SLC4A4: variants seen among roughly 807,000 people sequenced by gnomAD.
SLC4A4 encodes solute carrier family 4 member 4.
In SLC4A4, 27 loss-of-function variants were observed where a neutral mutation model predicts 111.5. That is an observed-to-expected ratio of 0.24 (90% CI 0.18 to 0.33). The LOEUF is 0.33. Among genes scored for constraint, SLC4A4 ranks in the 10% least tolerant of loss-of-function variants. SLC4A4 has a pLI of 1.00. For missense variants in SLC4A4, 909 were observed against 1,315.5 expected (o/e 0.69, Z 4.78); for synonymous variants, 443 against 463.4 (o/e 0.96, Z 0.57).
intron 20 of SLC4A4, among the ~76,000 whole-genome samples, chr4:71,550,786 A>G (rs1735918097): frequency 6.6e-6 from 1 of 151,890 alleles, no homozygotes; most frequent in Non-Finnish European, 1.5e-5. Flanking sequence ...GCAGTGTAGG[A>G]AGTTGTTTCT....
intron 8 of SLC4A4, among the ~76,000 whole-genome samples, chr4:71,446,254 C>G (rs182301635): frequency 6.6e-6 from 1 of 152,162 alleles, no homozygotes; most frequent in African/African-American, 2.4e-5. Flanking sequence ...TATTTGCTGT[C>G]AATCCTTTTT....
chr4:71,158,815 A>C (rs1396935014), intron 2 of SLC4A4, among the ~76,000 whole-genome samples: 1 of 152,190 alleles, frequency 6.6e-6, no homozygotes, highest in Non-Finnish European at 1.5e-5. Flanking sequence ...GTGGGCCACC[A>C]GCAAGAGATG....
chr4:71,563,168 A>G (rs1186795306), intron 23 of SLC4A4, among the ~76,000 whole-genome samples: 1 of 151,790 alleles, frequency 6.6e-6, no homozygotes, highest in Non-Finnish European at 1.5e-5. Flanking sequence ...ACCATCATAG[A>G]CACCTTTTTA....
At chr4:71,126,583 G>A (rs1285573479) in intron 2 of SLC4A4, among the ~76,000 whole-genome samples, 1 of 152,112 alleles carries the variant, frequency 6.6e-6, no homozygotes, top group African/African-American at 2.4e-5. Context: ...ACAGGTTTGT[G>A]ATAAATTATG....
At chr4:71,422,819 G>T (rs965577444) in intron 7 of SLC4A4, among the ~76,000 whole-genome samples, 1 of 152,094 alleles carries the variant, frequency 6.6e-6, no homozygotes, top group Non-Finnish European at 1.5e-5. Flanking sequence ...AATAAATTAG[G>T]TATTGATGGG....
intron 2 of SLC4A4, among the ~76,000 whole-genome samples, chr4:71,098,011 G>A (rs1742609088): frequency 6.6e-6 from 1 of 152,120 alleles, no homozygotes; most frequent in Non-Finnish European, 1.5e-5. Context: ...CTTTTGCTGT[G>A]CAGAAGCTCG....
intron 2 of SLC4A4, among the ~76,000 whole-genome samples, chr4:71,119,065 C>T (rs542963850): frequency 1.2e-3 from 180 of 152,110 alleles, no homozygotes; most frequent in African/African-American, 4.1e-3. Context: ...GGAATCTGGG[C>T]GATAATGATG....
intron 2 of SLC4A4, among the ~76,000 whole-genome samples, chr4:71,111,026 C>A (rs1352017493): frequency 6.6e-6 from 1 of 152,152 alleles, no homozygotes; most frequent in Non-Finnish European, 1.5e-5. Flanking sequence ...TTGTCAGGTT[C>A]CAGCCACTTG....
At chr4:71,441,285 A>G (rs1724688401) in intron 8 of SLC4A4, among the ~76,000 whole-genome samples, 1 of 152,204 alleles carries the variant, frequency 6.6e-6, no homozygotes, top group Non-Finnish European at 1.5e-5. Flanking sequence ...AAAGTGAAGT[A>G]TATTAATGTT....
chr4:71,516,693 C>G (rs1327790292), intron 16 of SLC4A4, among the ~76,000 whole-genome samples: 1 of 152,208 alleles, frequency 6.6e-6, no homozygotes, highest in Non-Finnish European at 1.5e-5. Context: ...TACCCTTTCC[C>G]TGCAATATGG....
intron 13 of SLC4A4, among the ~76,000 whole-genome samples, chr4:71,471,328 G>C (rs1048161122): frequency 2.0e-5 from 3 of 151,962 alleles, no homozygotes; most frequent in African/African-American, 7.2e-5. Flanking sequence ...TAGGGTGTCT[G>C]ACTTTCATTA....
intron 2 of SLC4A4, among the ~76,000 whole-genome samples, chr4:71,147,798 GT>G (rs1320389116): frequency 6.6e-6 from 1 of 152,092 alleles, no homozygotes; most frequent in Non-Finnish European, 1.5e-5. Context: ...AAAAATAGCT[GT>G]TTACCAGATT....
At chr4:71,242,474 C>A (rs1413431739) in intron 2 of SLC4A4, among the ~76,000 whole-genome samples, 1 of 152,060 alleles carries the variant, frequency 6.6e-6, no homozygotes, top group East Asian at 1.9e-4. Context: ...AAGGAAGCAA[C>A]TTATAGTTTA....
At chr4:71,144,073 GT>G (rs1364242578) in intron 2 of SLC4A4, among the ~76,000 whole-genome samples, 1 of 152,126 alleles carries the variant, frequency 6.6e-6, no homozygotes. Context: ...GGTTTTTATG[GT>G]TTTAGGTCTA....
intron 15 of SLC4A4, among the ~76,000 whole-genome samples, chr4:71,490,401 T>G (rs903607945): frequency 6.6e-6 from 1 of 151,836 alleles, no homozygotes; most frequent in East Asian, 1.9e-4. Context: ...TGAGTTTTGA[T>G]GGTTGTAACT....
At chr4:71,565,611 G>A (rs1034158340) in intron 24 of SLC4A4, among the ~76,000 whole-genome samples, 1 of 151,810 alleles carries the variant, frequency 6.6e-6, no homozygotes, top group African/African-American at 2.4e-5. Context: ...TTTGAACTAA[G>A]CTCATGCACT....
chr4:71,231,734 T>C (rs1265163485), intron 1 of SLC4A4, among the ~76,000 whole-genome samples: 1 of 152,200 alleles, frequency 6.6e-6, no homozygotes, highest in East Asian at 1.9e-4. Context: ...AAACATGTTC[T>C]TCCCTTTCTT....
chr4:71,487,132 A>T, intron 15 of SLC4A4, 114 bp downstream of exon 15: 1 of 649,436 alleles, frequency 1.5e-6, no homozygotes, highest in Non-Finnish European at 2.8e-6. Context: ...GCATGAACAC[A>T]TACGTAACAA....
chr4:71,249,009 T>G (rs1428122402), intron 2 of SLC4A4, among the ~76,000 whole-genome samples: 1 of 152,144 alleles, frequency 6.6e-6, no homozygotes, highest in Non-Finnish European at 1.5e-5. Context: ...GTTATCACTA[T>G]TATTATCATC....
Sources: gnomAD v4.1 joint callset for allele counts (sites outside exome capture counted in the v4.1 genomes callset) on GRCh38, gnomAD v4.1.1 for gene constraint, MANE v1.5 for transcripts, NCBI Gene and HGNC (gene_info 2026-07-23, HGNC 2026-07-21) for gene names.